Variants in FANCC observed in about 807,000 individuals in gnomAD.
The protein encoded by FANCC is Fanconi anemia group C protein.
In FANCC, 55 loss-of-function variants were observed where a neutral mutation model predicts 71.3. The observed-to-expected ratio is 0.77, with a 90% confidence interval of 0.62 to 0.97. The LOEUF (loss-of-function observed/expected upper bound fraction) is 0.97, where lower values mean the gene tolerates loss of function less well. Ranked by LOEUF, FANCC falls within the 50% of genes least tolerant of loss-of-function variation. The pLI, the probability that FANCC is intolerant of heterozygous loss-of-function variation, is 0.00. For missense variants in FANCC, 678 were observed against 670.9 expected (o/e 1.01, Z -0.12); for synonymous variants, 275 against 244.9 (o/e 1.12, Z -1.15).
intron 6 of FANCC, among the ~76,000 whole-genome samples, chr9:95,152,235 G>A (rs1830216091): frequency 6.6e-6 from 1 of 152,136 alleles, no homozygotes; most frequent in Non-Finnish European, 1.5e-5. Flanking sequence ...CTCTGTTTGA[G>A]GTGTACATGA....
intron 4 of FANCC, among the ~76,000 whole-genome samples, chr9:95,204,599 T>C (rs1449183414): frequency 6.6e-6 from 1 of 152,222 alleles, no homozygotes. Context: ...GTCATAAGTA[T>C]ATGTTAACCA....
At chr9:95,188,811 G>A (rs1249392377) in intron 4 of FANCC, among the ~76,000 whole-genome samples, 1 of 152,060 alleles carries the variant, frequency 6.6e-6, no homozygotes, top group Non-Finnish European at 1.5e-5. Context: ...GACTCTTGGG[G>A]CTTTGCCTCC....
At position 95,293,509 on chromosome 9, in the gene FANCC, A is replaced by G; in HGVS notation, c.-79+24017T>C. 3.1e-6 allele frequency: 5 copies of G among 1,592,474 alleles called. No individual in the cohort carries two copies. In the South Asian group the frequency reaches 4.6e-5, roughly 15 times the overall value. On this transcript the variant is annotated intron_variant, in intron 1 of 14. Coordinates refer to ENST00000289081, the MANE Select transcript of FANCC (RefSeq NM_000136.3). ...ACTGGTGTTCAAGTGAACTTGGGTA[A>G]AAGTCCATCTAATACTTTACAAGAA...
chr9:95,138,146 C>G (rs1047605474), intron 7 of FANCC, among the ~76,000 whole-genome samples: 2 of 152,238 alleles, frequency 1.3e-5, no homozygotes, highest in Non-Finnish European at 2.9e-5. Context: ...CCCCTCCCCG[C>G]ACAGAAGAGG....
chr9:95,137,691 C>T (rs960054842), intron 7 of FANCC, among the ~76,000 whole-genome samples: 5 of 152,128 alleles, frequency 3.3e-5, no homozygotes, highest in East Asian at 1.9e-4. Flanking sequence ...GTGGAAGCTC[C>T]GGGAGAGGAA....
At chr9:95,118,977 G>A (rs778821431) in intron 10 of FANCC, among the ~76,000 whole-genome samples, 1 of 152,146 alleles carries the variant, frequency 6.6e-6, no homozygotes, top group African/African-American at 2.4e-5. Flanking sequence ...GTTTAACATC[G>A]TAAGGCCATA....
chr9:95,156,413 G>A (rs560740744), intron 6 of FANCC, among the ~76,000 whole-genome samples: 1 of 152,292 alleles, frequency 6.6e-6, no homozygotes, highest in South Asian at 2.1e-4. Context: ...TCTACTGAAT[G>A]ATGTTTAGAA....
At chr9:95,244,446 G>A (rs1008798419) in intron 3 of FANCC, among the ~76,000 whole-genome samples, 4 of 152,078 alleles carry the variant, frequency 2.6e-5, no homozygotes, top group South Asian at 2.1e-4. Flanking sequence ...TTGGGAGGCC[G>A]AGGCAGGCAG....
At chr9:95,256,682 TA>T (rs1831677508) in intron 1 of FANCC, among the ~76,000 whole-genome samples, 1 of 152,086 alleles carries the variant, frequency 6.6e-6, no homozygotes, top group Non-Finnish European at 1.5e-5. Flanking sequence ...AATTCACACA[TA>T]AAAATATTAA....
chr9:95,211,390 A>G (rs956145131), intron 4 of FANCC, among the ~76,000 whole-genome samples: 8 of 152,180 alleles, frequency 5.3e-5, no homozygotes, highest in Non-Finnish European at 1.0e-4. Context: ...TTGGCTGAAT[A>G]ATAATCTGTG....
chr9:95,111,334 G>C (rs940479478), intron 13 of FANCC, 129 bp downstream of exon 13: 10 of 1,597,710 alleles, frequency 6.3e-6, no homozygotes, highest in South Asian at 1.1e-5. Context: ...AGGTTGCCAT[G>C]ACATATGCCA....
intron 4 of FANCC, among the ~76,000 whole-genome samples, chr9:95,183,636 G>A (rs922441361): frequency 2.6e-5 from 4 of 152,206 alleles, no homozygotes; most frequent in African/African-American, 7.2e-5. Context: ...ATTAACTCAT[G>A]TTGGTAACAC....
chr9:95,216,569 C>T (rs550719777), intron 4 of FANCC, among the ~76,000 whole-genome samples: 30 of 152,326 alleles, frequency 2.0e-4, no homozygotes, highest in African/African-American at 4.3e-4. Flanking sequence ...GGAAAAGAGA[C>T]AGGGTCTCAT....
intron 1 of FANCC, among the ~76,000 whole-genome samples, chr9:95,278,938 C>A (rs549603594): frequency 6.6e-6 from 1 of 152,110 alleles, no homozygotes; most frequent in Admixed American, 6.5e-5. Context: ...GTAATCCCAG[C>A]ACTTTGAGAG....
At chr9:95,208,346 C>G (rs1828276765) in intron 4 of FANCC, among the ~76,000 whole-genome samples, 1 of 151,884 alleles carries the variant, frequency 6.6e-6, no homozygotes, top group African/African-American at 2.4e-5. Flanking sequence ...ATCCGCCTAC[C>G]TCGGTCTCCC....
chr9:95,129,174 T>G (rs1286784843), intron 8 of FANCC, among the ~76,000 whole-genome samples: 1 of 152,158 alleles, frequency 6.6e-6, no homozygotes. Context: ...TTGCTACCCC[T>G]ACAGCTGTGA....
intron 4 of FANCC, among the ~76,000 whole-genome samples, chr9:95,184,046 T>C (rs1369370514): frequency 1.3e-5 from 2 of 152,122 alleles, no homozygotes; most frequent in African/African-American, 4.8e-5. Context: ...CCATGTCGAA[T>C]ACCTGGAGGG....
intron 1 of FANCC, among the ~76,000 whole-genome samples, chr9:95,291,704 T>C (rs919818256): frequency 2.0e-5 from 3 of 151,952 alleles, no homozygotes; most frequent in East Asian, 1.9e-4. Context: ...TCCCAGCACT[T>C]TGGGAGGCCG....
At chr9:95,277,020 A>G (rs1833080130) in intron 1 of FANCC, among the ~76,000 whole-genome samples, 1 of 152,212 alleles carries the variant, frequency 6.6e-6, no homozygotes, top group Admixed American at 6.5e-5. Flanking sequence ...GTAATTCTCA[A>G]TCGCTGAAAA....
Sources: allele counts gnomAD v4.1 joint callset (sites outside exome capture counted in the v4.1 genomes callset), GRCh38; gene constraint gnomAD v4.1.1; transcripts MANE v1.5; gene names NCBI Gene and HGNC (gene_info 2026-07-23, HGNC 2026-07-21).